SLC44A3: variants seen among roughly 807,000 people sequenced by gnomAD.
SLC44A3 encodes the protein choline transporter-like protein 3.
SLC44A3 carries 74 observed loss-of-function variants against 75.4 expected under a neutral mutation model. The ratio of observed to expected loss-of-function variants is 0.98; its 90% CI spans 0.81 to 1.19. SLC44A3 has a LOEUF of 1.19. SLC44A3 is among the 50% of genes most tolerant of loss of function. The pLI is 0.00. For synonymous variants in SLC44A3, 310 were observed against 296.9 expected, an observed-to-expected ratio of 1.04 and a Z score of -0.45; for missense variants, 700 against 778.6, an observed-to-expected ratio of 0.90 and a Z score of 1.20.
At chr1:94,891,715 G>A (rs550056224) in intron 13 of SLC44A3, among the ~76,000 whole-genome samples, 1 of 152,278 alleles carries the variant, frequency 6.6e-6, no homozygotes, top group South Asian at 2.1e-4. Context: ...TTGAGGTCAG[G>A]AGTTTGAGAT....
intron 2 of SLC44A3, 114 bp from the exon 3 acceptor site, chr1:94,824,379 G>A (rs1661014746): frequency 1.5e-6 from 2 of 1,295,098 alleles, no homozygotes; most frequent in South Asian, 1.7e-5. Context: ...GCGCTATGAT[G>A]CTGGAGAGCT....
At chr1:94,892,174 C>T in intron 13 of SLC44A3, 107 bp from the exon 14 acceptor site, 2 of 999,880 alleles carry the variant, frequency 2.0e-6, no homozygotes, top group Non-Finnish European at 3.0e-6. Context: ...CAATAGTGCA[C>T]ACACACGTTG....
intron 1 of SLC44A3, chr1:94,820,710 A>G (rs1466769768): frequency 1.6e-4 from 228 of 1,387,822 alleles, no homozygotes; most frequent in Non-Finnish European, 2.0e-4. Flanking sequence ...GGTCGTCCTC[A>G]GGTGCACCTC....
intron 5 of SLC44A3, among the ~76,000 whole-genome samples, chr1:94,833,024 A>T (rs1325386056): frequency 4.0e-5 from 6 of 151,618 alleles, no homozygotes; most frequent in Admixed American, 3.3e-4. Context: ...TTCTCACTTG[A>T]TCGGAGGTTC....
rs554117599 is a variant in SLC44A3, at chr1:94,883,240, C to T, written c.1483-7890C>T. 1.4e-4 allele frequency among the ~76,000 whole-genome samples: 21 copies of T among 152,086 alleles called. No individual in the cohort carries two copies. The South Asian group carries it at 4.2e-3, about 30-fold the overall frequency. ...ACTAGGCCGGGTGCGGTGACTTATACCTATAATGCCAGCACTTTGGGAGGT... is the reference window on the plus strand; with the variant it reads ...ACTAGGCCGGGTGCGGTGACTTATATCTATAATGCCAGCACTTTGGGAGGT... On this transcript the variant is annotated intron_variant, in intron 12 of 14. Transcript: ENST00000271227.
At chr1:94,855,505 C>T (rs1049178216) in intron 9 of SLC44A3, 2 of 152,142 alleles carry the variant, frequency 1.3e-5, no homozygotes, top group Non-Finnish European at 2.9e-5. Context: ...GGGAATGTTT[C>T]CTGAAGCATG....
At chr1:94,848,013 G>A (rs2101117757) in intron 9 of SLC44A3, among the ~76,000 whole-genome samples, 1 of 152,316 alleles carries the variant, frequency 6.6e-6, no homozygotes, top group Non-Finnish European at 1.5e-5. Context: ...CGGATCATGA[G>A]GTCATGAGAT....
rs1663370512 is a variant in SLC44A3 at position 94,840,019 on chromosome 1, G to A, written c.742G>A (p.Val248Ile). 1 of 1,613,260 alleles carries A rather than the reference G, an allele frequency of 6.2e-7. No homozygotes were observed. The highest frequency in any genetic ancestry group is 8.5e-7 in the Non-Finnish European group (1 of 1,179,434). Residue 248 changes from valine to isoleucine, a missense_variant, in exon 7 of 15, where the codon GTT (valine) becomes ATT (isoleucine). Transcript: ENST00000271227. ...TCTGGTTCACATTTTCATTTCATTG[G>A]TTATTTTGGGATTGTTGTGTAAGTA... ...TLLVHIFISL[V>I]ILGLLFVCGV... is the part of the protein sequence containing the mutation.
At chr1:94,876,812 A>G (rs912634919) in intron 12 of SLC44A3, among the ~76,000 whole-genome samples, 1 of 152,180 alleles carries the variant, frequency 6.6e-6, no homozygotes, top group African/African-American at 2.4e-5. Context: ...GGACGGGTGG[A>G]AAATTTAATT....
At chr1:94,891,913 A>T (rs1034725748) in intron 13 of SLC44A3, among the ~76,000 whole-genome samples, 4 of 152,150 alleles carry the variant, frequency 2.6e-5, no homozygotes, top group Admixed American at 2.0e-4. Context: ...ACAGAACGAG[A>T]CTCTGTCTCA....
At chr1:94,881,564 C>T (rs916636439) in intron 12 of SLC44A3, among the ~76,000 whole-genome samples, 3 of 148,400 alleles carry the variant, frequency 2.0e-5, no homozygotes, top group Non-Finnish European at 4.4e-5. Flanking sequence ...ATTAGCCAGG[C>T]ATGGTGGCGG....
In SLC44A3 at chr1:94,895,087, A is replaced by G; in HGVS notation, c.*165A>G. ...GTCATTATTGTTTGACCAGGTAACA[A>G]TACTGGAACTATATTAGTTTACCTT... On this transcript the variant is annotated 3_prime_UTR_variant, in exon 15 of 15. Coordinates refer to ENST00000271227, the MANE Select transcript of SLC44A3 (RefSeq NM_001114106.3). The G allele has an allele frequency of 1.7e-6, 1 of 582,838 alleles. No individual in the cohort carries two copies. Among genetic ancestry groups the G allele is most frequent in the Non-Finnish European group, 3.1e-6 (1 of 323,244 alleles). 36.1% of individuals were successfully genotyped at this position (582,838 alleles called of 1,614,324 possible).
At chr1:94,877,332 C>T (rs1203842981) in intron 12 of SLC44A3, among the ~76,000 whole-genome samples, 1 of 152,014 alleles carries the variant, frequency 6.6e-6, no homozygotes, top group Non-Finnish European at 1.5e-5. Context: ...GCTTAAAGAG[C>T]CTAAATTTTG....
At chr1:94,854,233 G>A (rs1385786316) in intron 9 of SLC44A3, among the ~76,000 whole-genome samples, 1 of 152,220 alleles carries the variant, frequency 6.6e-6, no homozygotes, top group Admixed American at 6.5e-5. Context: ...AGGGGACAGT[G>A]CAGAGATGTG....
chr1:94,859,137 G>A (rs1445614012), intron 10 of SLC44A3, among the ~76,000 whole-genome samples: 5 of 152,192 alleles, frequency 3.3e-5, no homozygotes, highest in African/African-American at 1.2e-4. Context: ...CTCCCAGGTA[G>A]GGGAGCAAAG....
At chr1:94,825,177 A>C (rs890861728) in intron 3 of SLC44A3, among the ~76,000 whole-genome samples, 2 of 152,064 alleles carry the variant, frequency 1.3e-5, no homozygotes, top group African/African-American at 4.8e-5. Context: ...CCCACCTCCC[A>C]CAGGGAAACA....
intron 1 of SLC44A3, chr1:94,820,735 G>C (rs1448296407): frequency 2.2e-6 from 3 of 1,393,916 alleles, no homozygotes; most frequent in African/African-American, 2.9e-5. Context: ...TAAGCACTTG[G>C]CGGCAGGGGG....
intron 6 of SLC44A3, 50 bp from the exon 7 acceptor site, chr1:94,839,898 C>T (rs763983442): frequency 2.2e-6 from 3 of 1,337,662 alleles, no homozygotes; most frequent in East Asian, 2.3e-5. Context: ...CCATCATCTC[C>T]CCTATCCTTT....
chr1:94,846,051 G>A (rs1174203251), intron 9 of SLC44A3, among the ~76,000 whole-genome samples: 2 of 151,380 alleles, frequency 1.3e-5, no homozygotes, highest in Non-Finnish European at 2.9e-5. Context: ...GGAGGCTGAG[G>A]CAGGATAATT....
Sources: gnomAD v4.1 joint callset for allele counts (sites outside exome capture counted in the v4.1 genomes callset) on GRCh38, gnomAD v4.1.1 for gene constraint, MANE v1.5 for transcripts, NCBI Gene and HGNC (gene_info 2026-07-23, HGNC 2026-07-21) for gene names.